Variants in DCDC1 observed in about 807,000 individuals in gnomAD.
The protein encoded by DCDC1 is doublecortin domain containing 1.
DCDC1 carries 200 observed loss-of-function variants against 178.3 expected under a neutral mutation model. The ratio of observed to expected loss-of-function variants is 1.12; its 90% CI spans 1.00 to 1.26. The LOEUF (loss-of-function observed/expected upper bound fraction) is 1.26. Ranked by LOEUF, DCDC1 falls within the 50% of genes most tolerant of loss-of-function variation. DCDC1 has a pLI of 0.00. For missense variants in DCDC1, 1,983 were observed against 1,749.2 expected (o/e 1.13, Z -2.38); for synonymous variants, 690 against 604.8 (o/e 1.14, Z -2.07).
chr11:31,278,990 A>G (rs1467080357), intron 7 of DCDC1, among the ~76,000 whole-genome samples: 3 of 152,134 alleles, frequency 2.0e-5, no homozygotes, highest in Admixed American at 2.0e-4. Context: ...CCTTTCCTCA[A>G]AGAAAAGACT....
At position 31,000,130 on chromosome 11, in the gene DCDC1, T is replaced by C. The variant is rs552608350; in HGVS notation, c.2592-47562A>G. ...ATATTAGGGCATCTAAAAAATCATC[T>C]GGTTAAGAGTAATGAATCTTCCTTC... On this transcript the variant is annotated intron_variant, in intron 20 of 38. Coordinates refer to ENST00000684477, the MANE Select transcript of DCDC1 (RefSeq NM_001387274.1). Among the ~76,000 whole-genome samples the C allele has an allele frequency of 1.4e-4, 21 of 152,320 alleles. No homozygotes were observed. In the South Asian group the frequency reaches 3.9e-3, roughly 29 times the overall value.
intron 9 of DCDC1, among the ~76,000 whole-genome samples, chr11:31,175,075 G>A (rs1967805171): frequency 6.6e-6 from 1 of 152,208 alleles, no homozygotes; most frequent in African/African-American, 2.4e-5. Flanking sequence ...GGCCCTTCAA[G>A]GAGCCCAGAC....
intron 9 of DCDC1, among the ~76,000 whole-genome samples, chr11:31,199,953 T>C (rs1971101657): frequency 6.6e-6 from 1 of 152,154 alleles, no homozygotes; most frequent in Non-Finnish European, 1.5e-5. Context: ...TTGGTCTGAA[T>C]GACTACTTTT....
chr11:31,032,556 T>TA (rs796747739), intron 20 of DCDC1, among the ~76,000 whole-genome samples: 3,330 of 142,704 alleles, frequency 0.023, 53 homozygotes, highest in African/African-American at 0.056. Flanking sequence ...TATGCCTCAG[T>TA]AAAAAAAAAA....
intron 7 of DCDC1, chr11:31,280,905 T>C: frequency 1.6e-6 from 1 of 640,332 alleles, no homozygotes; most frequent in Non-Finnish European, 3.0e-6. Context: ...GGCCCAGTCT[T>C]GTGCTTGCCT....
intron 11 of DCDC1, among the ~76,000 whole-genome samples, chr11:31,120,440 C>T (rs1238740814): frequency 1.3e-5 from 2 of 152,046 alleles, no homozygotes; most frequent in Admixed American, 1.3e-4. Flanking sequence ...TGATGAGCTG[C>T]CTAAAAAAGA....
At chr11:31,358,073 A>G (rs1194892417) in intron 1 of DCDC1, among the ~76,000 whole-genome samples, 1 of 151,112 alleles carries the variant, frequency 6.6e-6, no homozygotes, top group Non-Finnish European at 1.5e-5. Flanking sequence ...TCTTCACAGA[A>G]TTGGAAAAAA....
chr11:31,331,241 G>C lies in DCDC1; in HGVS notation c.-6-2955C>G, dbSNP rs1440275675. ...TTTGCACATTGATTTTGTATCCTGA[G>C]ACTTTGCTGAAGTTGCTTATCAGCT... is the stretch of plus-strand genomic sequence containing the variant. On this transcript the variant is annotated intron_variant, in intron 2 of 38. Transcript: ENST00000684477. Among the ~76,000 whole-genome samples, 3 of 152,300 alleles carry C rather than the reference G, an allele frequency of 2.0e-5. No individual in the cohort carries two copies. In the East Asian group the frequency reaches 5.8e-4, roughly 29 times the overall value.
intron 9 of DCDC1, among the ~76,000 whole-genome samples, chr11:31,190,580 C>T (rs158143): frequency 0.7 from 105,580 of 151,838 alleles, 37,709 homozygotes; most frequent in East Asian, 0.96. Context: ...ATACTTAACA[C>T]AAATCCTCAT....
At chr11:31,029,828 A>G (rs1202460718) in intron 20 of DCDC1, among the ~76,000 whole-genome samples, 1 of 152,164 alleles carries the variant, frequency 6.6e-6, no homozygotes, top group Non-Finnish European at 1.5e-5. Flanking sequence ...TACATTATTG[A>G]TACAGATATT....
At position 30,900,513 on chromosome 11, in the gene DCDC1, G is replaced by A. The variant is rs1201452424; in HGVS notation, c.4511-15C>T. The A allele has an allele frequency of 1.3e-6, 2 of 1,516,668 alleles. No individual in the cohort carries two copies. Among genetic ancestry groups the A allele is most frequent in the Middle Eastern group, 1.7e-4 (1 of 5,816 alleles). 94.0% of individuals were successfully genotyped at this position (1,516,668 alleles called of 1,614,324 possible). A position where few individuals can be genotyped will look rare whatever the true frequency, so the allele number is the denominator to read the frequency against. On this transcript the variant is annotated splice_polypyrimidine_tract_variant and intron_variant, in intron 32 of 38. Transcript: ENST00000684477. ...TCTTGGATTTTCTGGTGGAAAAAAT[G>A]ACACATTTATCATTGTTCAACGAAT...
Position 31,365,163 on chromosome 11 carries a change from G to A in DCDC1, c.-125+4534C>T, listed in dbSNP as rs141239381. On this transcript the variant is annotated intron_variant, in intron 1 of 38. Coordinates refer to ENST00000684477, the MANE Select transcript of DCDC1 (RefSeq NM_001387274.1). ...TTGTTTTGTGTCTCTTGTAACTAAC[G>A]GAGTGTGGGGTACATAAGAGACACT... Among the ~76,000 whole-genome samples the A allele has an allele frequency of 3.9e-3, 590 of 152,208 alleles. 1 individual carries two copies. Among genetic ancestry groups the A allele is most frequent in the East Asian group, 6.4e-3 (33 of 5,176 alleles).
chr11:30,978,049 T>C (rs534966644), intron 20 of DCDC1, among the ~76,000 whole-genome samples: 1 of 152,366 alleles, frequency 6.6e-6, no homozygotes, highest in Admixed American at 6.5e-5. Context: ...GAATTCTTTT[T>C]CTGTACAACA....
chr11:30,935,411 C>A (rs957787557), intron 21 of DCDC1, among the ~76,000 whole-genome samples: 2 of 152,198 alleles, frequency 1.3e-5, no homozygotes, highest in East Asian at 3.8e-4. Flanking sequence ...ATGCTACCGT[C>A]TTCGTTACAT....
At chr11:31,249,538 A>G (rs2136964505) in intron 8 of DCDC1, among the ~76,000 whole-genome samples, 1 of 152,316 alleles carries the variant, frequency 6.6e-6, no homozygotes, top group East Asian at 1.9e-4. Flanking sequence ...CCTGAGGACC[A>G]TGTCTAAGAA....
chr11:31,216,744 A>G (rs1326685432), intron 9 of DCDC1, among the ~76,000 whole-genome samples: 1 of 152,114 alleles, frequency 6.6e-6, no homozygotes, highest in Non-Finnish European at 1.5e-5. Flanking sequence ...AGCTTTCCCC[A>G]TACAAGACAG....
At chr11:31,213,384 T>C (rs555099021) in intron 9 of DCDC1, among the ~76,000 whole-genome samples, 1 of 151,768 alleles carries the variant, frequency 6.6e-6, no homozygotes, top group Admixed American at 6.6e-5. Context: ...ACATCTAAAG[T>C]AGGAGTATTA....
rs943224861 is a variant in DCDC1, at chr11:31,088,861, T to A, written c.2237+2532A>T. Among the ~76,000 whole-genome samples the A allele has an allele frequency of 2.6e-5, 4 of 152,070 alleles. No individual in the cohort carries two copies. In the South Asian group the frequency reaches 8.3e-4, roughly 32 times the overall value. On this transcript the variant is annotated intron_variant, in intron 17 of 38. Coordinates refer to ENST00000684477, the MANE Select transcript of DCDC1 (RefSeq NM_001387274.1). ...TACAGGTGTAGACCTTCACTGAACC[T>A]GACTAATTTTTCTATTTTTTGTAGA...
chr11:31,367,443 G>T (rs1461145312), intron 1 of DCDC1, among the ~76,000 whole-genome samples: 4 of 152,198 alleles, frequency 2.6e-5, no homozygotes, highest in Non-Finnish European at 5.9e-5. Flanking sequence ...CTGTTGGGTT[G>T]ATTTCAGTAC....
Sources: gnomAD v4.1 joint callset for allele counts (sites outside exome capture counted in the v4.1 genomes callset) on GRCh38, gnomAD v4.1.1 for gene constraint, MANE v1.5 for transcripts, NCBI Gene and HGNC (gene_info 2026-07-23, HGNC 2026-07-21) for gene names.